The following BICD1 variants were observed in gnomAD, a reference collection of about 807,000 sequenced individuals.
BICD1 encodes the protein BICD cargo adaptor 1.
Under a neutral mutation model 92.5 loss-of-function variants are expected in BICD1, and 35 were observed. That is an observed-to-expected ratio of 0.38 (90% CI 0.29 to 0.50). BICD1 has a LOEUF of 0.50. BICD1 is among the 20% of genes least tolerant of loss of function. BICD1 has a pLI of 0.93. For synonymous variants in BICD1, 429 were observed against 465.1 expected (o/e 0.92, Z 1.00); for missense variants, 950 against 1,189.8 (o/e 0.80, Z 2.97).
intron 2 of BICD1, among the ~76,000 whole-genome samples, chr12:32,254,034 A>ACCTGCCACATTCATTGCGG (rs1199351064): frequency 2.5e-5 from 3 of 121,020 alleles, no homozygotes; most frequent in Non-Finnish European, 3.6e-5. Context: ...ATCACTGCCC[A>ACCTGCCACATTCATTGCGG]TATCCCACCT....
chr12:32,336,754 G>A (rs1016152282), intron 6 of BICD1, among the ~76,000 whole-genome samples: 5 of 152,084 alleles, frequency 3.3e-5, no homozygotes, highest in African/African-American at 7.2e-5. Flanking sequence ...ACTGTTATTC[G>A]TCTGTTACAC....
intron 2 of BICD1, among the ~76,000 whole-genome samples, chr12:32,230,953 G>A (rs1945867658): frequency 6.6e-6 from 1 of 152,148 alleles, no homozygotes; most frequent in Non-Finnish European, 1.5e-5. Context: ...ATTATTTTAA[G>A]GAGCATGGAC....
At chr12:32,348,134 C>G (rs1938698966) in intron 8 of BICD1, among the ~76,000 whole-genome samples, 2 of 152,122 alleles carry the variant, frequency 1.3e-5, no homozygotes, top group Non-Finnish European at 2.9e-5. Flanking sequence ...GTTTACTGTT[C>G]TCTCCTCTGT....
chr12:32,115,390 T>TTTTTG (rs1400350278), intron 1 of BICD1, among the ~76,000 whole-genome samples: 1 of 150,232 alleles, frequency 6.7e-6, no homozygotes, highest in African/African-American at 2.4e-5. Context: ...GTTTTTGGTT[T>TTTTTG]TTTTTTTTTT....
intron 4 of BICD1, among the ~76,000 whole-genome samples, chr12:32,318,377 T>C (rs535224006): frequency 0.01 from 1,552 of 152,248 alleles, 25 homozygotes; most frequent in African/African-American, 0.036. Flanking sequence ...TTGTATCCTC[T>C]TTTATTTCAT....
intron 9 of BICD1, among the ~76,000 whole-genome samples, chr12:32,374,734 A>ATTTTTTT (rs1179747608): frequency 7.4e-4 from 59 of 80,108 alleles, no homozygotes; most frequent in Middle Eastern, 0.012. Context: ...CGCCCGGCTA[A>ATTTTTTT]TTTTTTTTTT....
At chr12:32,190,420 T>A (rs1341706622) in intron 1 of BICD1, among the ~76,000 whole-genome samples, 1 of 152,092 alleles carries the variant, frequency 6.6e-6, no homozygotes, top group Non-Finnish European at 1.5e-5. Flanking sequence ...TCCACGCAAA[T>A]AGTAATCAAA....
chr12:32,305,605 G>T (rs540739090), intron 3 of BICD1, 92 bp from the exon 4 acceptor site: 1 of 1,130,554 alleles, frequency 8.8e-7, no homozygotes, highest in African/African-American at 1.6e-5. Context: ...GTTGTATTTT[G>T]TTAAGTGATT....
chr12:32,245,683 A>C (rs142663659), intron 2 of BICD1, among the ~76,000 whole-genome samples: 2 of 152,120 alleles, frequency 1.3e-5, no homozygotes, highest in Non-Finnish European at 2.9e-5. Context: ...AAATGAGGTA[A>C]TGCAAAGCTC....
intron 9 of BICD1, among the ~76,000 whole-genome samples, chr12:32,375,097 A>G (rs551847722): frequency 6.9e-6 from 1 of 144,174 alleles, no homozygotes; most frequent in Admixed American, 7.0e-5. Context: ...TTTTTTTTTT[A>G]ATTATTTTTA....
Position 32,328,736 on chromosome 12 carries a change from A to C in BICD1, c.2100+181A>C, listed in dbSNP as rs1037441532. Among the ~76,000 whole-genome samples the C allele has an allele frequency of 1.3e-5, 2 of 152,210 alleles. No homozygotes were observed. The highest frequency in any genetic ancestry group is 4.8e-5 in the African/African-American group (2 of 41,456). Reference sequence around the variant, plus strand: ...AATAATTATTGTTTTTAAATGATGAAATACCTGTGCCCAGTTAGGTGGAGG... The same window carrying C: ...AATAATTATTGTTTTTAAATGATGACATACCTGTGCCCAGTTAGGTGGAGG... On this transcript the variant is annotated intron_variant, in intron 5 of 9. Coordinates refer to ENST00000652176, the MANE Select transcript of BICD1 (RefSeq NM_001714.4). The surrounding 1 kb of genome is among the most constrained non-coding windows in gnomAD (Gnocchi z 4.4).
intron 2 of BICD1, among the ~76,000 whole-genome samples, chr12:32,259,535 T>C (rs1298273416): frequency 6.6e-6 from 1 of 152,212 alleles, no homozygotes; most frequent in Non-Finnish European, 1.5e-5. Flanking sequence ...TCAGTGGGTC[T>C]GCTCCACATC....
At chr12:32,211,016 G>C (rs186251554) in intron 1 of BICD1, among the ~76,000 whole-genome samples, 1 of 152,316 alleles carries the variant, frequency 6.6e-6, no homozygotes, top group East Asian at 1.9e-4. Context: ...GATGTCAGTT[G>C]GGTGTCATGC....
intron 1 of BICD1, among the ~76,000 whole-genome samples, chr12:32,198,333 T>TTCCAAATTTGGA (rs1309700820): frequency 1.9e-5 from 2 of 107,744 alleles, no homozygotes; most frequent in Non-Finnish European, 3.8e-5. Context: ...CATCTATCTA[T>TTCCAAATTTGGA]ATATATATAT....
chr12:32,255,262 C>T (rs1425229457), intron 2 of BICD1, among the ~76,000 whole-genome samples: 1 of 152,178 alleles, frequency 6.6e-6, no homozygotes, highest in Non-Finnish European at 1.5e-5. Flanking sequence ...CCCCCAGCCT[C>T]ATAGCCTCAT....
At chr12:32,113,852 G>T (rs1359624297) in intron 1 of BICD1, among the ~76,000 whole-genome samples, 1 of 151,662 alleles carries the variant, frequency 6.6e-6, no homozygotes, top group Non-Finnish European at 1.5e-5. Flanking sequence ...TGGGACTACA[G>T]GTGCCTGCCA....
chr12:32,327,748 A>G lies in BICD1; in HGVS notation c.1293A>G (p.Lys431=). 6.2e-7 allele frequency: 1 copy of G among 1,614,160 alleles called. No individual in the cohort carries two copies. The highest frequency in any genetic ancestry group is 1.6e-4 in the Middle Eastern group (1 of 6,062). Residue 431 remains lysine (K), a synonymous_variant, in exon 5 of 10, where the codon AAA becomes AAG. Transcript: ENST00000652176. ...CAGTAACTGAGGTGATTGATCTGAA[A>G]GCTGAAATTAAGGCCTTAAAGGAGA... is the stretch of plus-strand genomic sequence containing the variant. The part of the protein sequence containing the change: ...RVAVTEVIDL[K]AEIKALKEKY...
intron 2 of BICD1, among the ~76,000 whole-genome samples, chr12:32,237,795 A>G (rs1224461026): frequency 1.3e-5 from 2 of 152,206 alleles, no homozygotes; most frequent in African/African-American, 4.8e-5. Flanking sequence ...TTGACAGTGT[A>G]CCTGGTCACC....
At chr12:32,113,986 G>A (rs760831290) in intron 1 of BICD1, among the ~76,000 whole-genome samples, 2 of 151,642 alleles carry the variant, frequency 1.3e-5, no homozygotes, top group South Asian at 2.1e-4. Context: ...ATTCTCCTGC[G>A]TCAGCCACCT....
Sources: allele counts gnomAD v4.1 joint callset (sites outside exome capture counted in the v4.1 genomes callset), GRCh38; gene constraint gnomAD v4.1.1; non-coding constraint Gnocchi (gnomAD v3.1); transcripts MANE v1.5; gene names NCBI Gene and HGNC (gene_info 2026-07-23, HGNC 2026-07-21).